Variants in TTC23 observed in about 807,000 individuals in gnomAD.
TTC23 encodes the protein tetratricopeptide repeat domain 23.
TTC23 carries 58 observed loss-of-function variants against 55.1 expected under a neutral mutation model. The observed-to-expected ratio is 1.05, with a 90% CI of 0.85 to 1.31. The LOEUF (loss-of-function observed/expected upper bound fraction) is 1.31. TTC23 is among the 50% of genes most tolerant of loss of function. The probability of loss-of-function intolerance (pLI) is 0.00; values close to 1 mark genes in which losing one functional copy is unlikely to be tolerated. For missense variants in TTC23, 516 were observed against 534.4 expected, an observed-to-expected ratio of 0.97 and a Z score of 0.34; for synonymous variants, 203 against 199.9, an observed-to-expected ratio of 1.02 and a Z score of -0.13.
intron 12 of TTC23, among the ~76,000 whole-genome samples, chr15:99,147,809 T>TGTGGC (rs1316996562): frequency 6.6e-6 from 1 of 152,064 alleles, no homozygotes; most frequent in Non-Finnish European, 1.5e-5. Flanking sequence ...ATGAAAACAA[T>TGTGGC]GTGGCGTGGC....
At position 99,205,884 on chromosome 15, in the gene TTC23, C is replaced by G. The variant is rs147985900; in HGVS notation, c.582-5788G>C. On this transcript the variant is annotated intron_variant, in intron 8 of 13. Coordinates refer to ENST00000394132, the MANE Select transcript of TTC23 (RefSeq NM_001288615.3). ...GTAAAAGTAGGCAAGCCTGTCTTGT[C>G]CCAGATCTTAGAGGAAAGGCTTTCA... 1.3e-4 allele frequency among the ~76,000 whole-genome samples: 20 copies of G among 152,258 alleles called. No individual in the cohort carries two copies. In the East Asian group the frequency reaches 3.9e-3, roughly 29 times the overall value.
chr15:99,174,461 C>CCA (rs1169042837), intron 10 of TTC23, among the ~76,000 whole-genome samples: 5 of 116,620 alleles, frequency 4.3e-5, no homozygotes, highest in Non-Finnish European at 7.4e-5. Flanking sequence ...AATATTATGA[C>CCA]CAAAAAAAAA....
intron 10 of TTC23, among the ~76,000 whole-genome samples, chr15:99,165,749 C>T (rs2071987179): frequency 1.3e-5 from 2 of 152,088 alleles, no homozygotes; most frequent in East Asian, 1.9e-4. Flanking sequence ...TGCGAGAAAA[C>T]GTTGCAGATT....
chr15:99,214,166 G>A (rs886776791), intron 8 of TTC23, among the ~76,000 whole-genome samples: 1 of 152,112 alleles, frequency 6.6e-6, no homozygotes, highest in African/African-American at 2.4e-5. Flanking sequence ...CCAGGCTGGA[G>A]TGCAGTGGTG....
intron 10 of TTC23, among the ~76,000 whole-genome samples, chr15:99,165,750 G>A (rs755500980): frequency 3.3e-5 from 5 of 152,078 alleles, no homozygotes; most frequent in Non-Finnish European, 7.4e-5. Flanking sequence ...GCGAGAAAAC[G>A]TTGCAGATTT....
chr15:99,150,723 G>A (rs71403427), intron 12 of TTC23, among the ~76,000 whole-genome samples: 11,926 of 152,240 alleles, frequency 0.078, 498 homozygotes, highest in Admixed American at 0.12. Context: ...TTTAACTTGA[G>A]GGCCACACAA....
intron 12 of TTC23, among the ~76,000 whole-genome samples, chr15:99,151,574 G>A (rs536104578): frequency 7.9e-5 from 12 of 152,314 alleles, no homozygotes; most frequent in East Asian, 5.8e-4. Context: ...GCATCCTGCC[G>A]GCGAATCACT....
In TTC23 at chr15:99,156,261, T is replaced by C. The variant is rs1427701176; in HGVS notation, c.1030A>G (p.Lys344Glu). 1.2e-6 allele frequency: 2 copies of C among 1,614,120 alleles called. No individual in the cohort carries two copies. The highest frequency in any genetic ancestry group is 2.7e-5 in the African/African-American group (2 of 74,940). Residue 344 changes from lysine to glutamate, a missense_variant, in exon 12 of 14, where the codon AAA becomes GAA. Coordinates refer to ENST00000394132, the MANE Select transcript of TTC23 (RefSeq NM_001288615.3). ...CTGAAATCGCCAAATGCTTCCACTT[T>C]GGCTTCCAGGGACTCTCTCAGGATC... Reference protein sequence around the residue: ...TSILRESLEAKVEAFGDFSPE... With the variant: ...TSILRESLEAEVEAFGDFSPE...
At chr15:99,225,564 G>C (rs2078330701) in intron 5 of TTC23, among the ~76,000 whole-genome samples, 1 of 152,150 alleles carries the variant, frequency 6.6e-6, no homozygotes, top group South Asian at 2.1e-4. Context: ...GAAAATAACA[G>C]GTTGTAGTGT....
intron 11 of TTC23, among the ~76,000 whole-genome samples, chr15:99,156,658 C>G (rs2070622992): frequency 6.6e-6 from 1 of 152,216 alleles, no homozygotes. Flanking sequence ...GCAAGAACGG[C>G]ATGGGGGTAA....
At chr15:99,194,552 C>CA (rs760038465) in intron 9 of TTC23, among the ~76,000 whole-genome samples, 5,416 of 38,546 alleles carry the variant, frequency 0.14, 346 homozygotes, top group Non-Finnish European at 0.19. Context: ...ACATCACGTG[C>CA]AAAAAAAAAA....
At chr15:99,146,213 T>A (rs892728318) in intron 12 of TTC23, among the ~76,000 whole-genome samples, 1 of 152,234 alleles carries the variant, frequency 6.6e-6, no homozygotes, top group Admixed American at 6.5e-5. Flanking sequence ...TGTACCCACA[T>A]AGAAATTATG....
Position 99,139,653 on chromosome 15 carries a change from AAGT to A in TTC23, c.1144-257_1144-255del, listed in dbSNP as rs782701521. On this transcript the variant is annotated intron_variant, in intron 12 of 13. Coordinates refer to ENST00000394132, the MANE Select transcript of TTC23 (RefSeq NM_001288615.3). ...ATCTGTATGCAAAAAATAGATTTAA[AAGT>A]AGTATTTTTAAAAATAAAGGCAAGA... is the stretch of plus-strand genomic sequence containing the variant. 1.4e-5 allele frequency: 20 copies of A among 1,455,990 alleles called. No homozygotes were observed. The South Asian group carries it at 2.0e-4, about 15-fold the overall frequency. 90.2% of individuals were successfully genotyped at this position (1,455,990 alleles called of 1,614,324 possible).
intron 10 of TTC23, among the ~76,000 whole-genome samples, chr15:99,162,388 TTATAA>T (rs756240394): frequency 9.2e-5 from 14 of 152,238 alleles, no homozygotes; most frequent in Admixed American, 1.3e-4. Flanking sequence ...AACATACTGG[TTATAA>T]TATAACACAA....
chr15:99,199,458 T>TTG (rs149241257), intron 9 of TTC23, among the ~76,000 whole-genome samples: 29,305 of 145,930 alleles, frequency 0.2, 3,124 homozygotes, highest in African/African-American at 0.28. Context: ...GTGTGTGTGT[T>TTG]TGTGTGTGTG....
intron 9 of TTC23, among the ~76,000 whole-genome samples, chr15:99,179,680 C>T (rs545901005): frequency 6.6e-6 from 1 of 152,300 alleles, no homozygotes; most frequent in East Asian, 1.9e-4. Flanking sequence ...CCAAACAAAA[C>T]CTTCTGTGGT....
intron 10 of TTC23, among the ~76,000 whole-genome samples, chr15:99,169,885 T>G (rs896447447): frequency 6.6e-6 from 1 of 152,206 alleles, no homozygotes; most frequent in African/African-American, 2.4e-5. Context: ...CTGCTGTCAC[T>G]GAACGCTGCA....
chr15:99,187,353 G>A (rs1303164865), intron 9 of TTC23, among the ~76,000 whole-genome samples: 1 of 147,370 alleles, frequency 6.8e-6, no homozygotes, highest in Non-Finnish European at 1.5e-5. Flanking sequence ...ATGTGTAAGA[G>A]CTAAAAATTA....
At chr15:99,187,930 T>C (rs1363626911) in intron 9 of TTC23, among the ~76,000 whole-genome samples, 1 of 152,066 alleles carries the variant, frequency 6.6e-6, no homozygotes, top group African/African-American at 2.4e-5. Flanking sequence ...GAAAATAGCA[T>C]AGTAGTTCCT....
Sources: gnomAD v4.1 joint callset for allele counts (sites outside exome capture counted in the v4.1 genomes callset) on GRCh38, gnomAD v4.1.1 for gene constraint, MANE v1.5 for transcripts, NCBI Gene and HGNC (gene_info 2026-07-23, HGNC 2026-07-21) for gene names.